The following GUF1 variants were observed in gnomAD, a reference collection of about 807,000 sequenced individuals.
The protein encoded by GUF1 is translation factor GUF1, mitochondrial.
In GUF1, 78 loss-of-function variants were observed where a neutral mutation model predicts 82.4. That is an observed-to-expected ratio of 0.95 (90% confidence interval 0.79 to 1.14). The LOEUF (loss-of-function observed/expected upper bound fraction) is 1.14, where lower values mean the gene tolerates loss of function less well. Among genes scored for constraint, GUF1 ranks in the 50% most tolerant of loss-of-function variants. GUF1 has a pLI of 0.00. For missense variants in GUF1, 814 were observed against 798.2 expected (o/e 1.02, Z -0.24); for synonymous variants, 279 against 282.3 (o/e 0.99, Z 0.12).
intron 6 of GUF1, 53 bp downstream of exon 6, chr4:44,683,371 G>T: frequency 9.6e-7 from 1 of 1,036,762 alleles, no homozygotes; most frequent in South Asian, 1.6e-5. Flanking sequence ...CAAGTAATTG[G>T]GCTAAGTGAA....
chr4:44,689,628 A>G (rs755160446), intron 10 of GUF1, among the ~76,000 whole-genome samples: 26 of 151,854 alleles, frequency 1.7e-4, no homozygotes, highest in Non-Finnish European at 3.5e-4. Flanking sequence ...GCGGATTGAC[A>G]TTTTATGGGT....
chr4:44,683,128 G>A, intron 5 of GUF1, 107 bp from the exon 6 acceptor site: 1 of 582,148 alleles, frequency 1.7e-6, no homozygotes, highest in Admixed American at 3.8e-5. Flanking sequence ...TTGTAGAGGG[G>A]TCAGTTAGGT....
At chr4:44,686,421 C>A in intron 7 of GUF1, 89 bp from the exon 8 acceptor site, 1 of 760,826 alleles carries the variant, frequency 1.3e-6, no homozygotes, top group Non-Finnish European at 2.0e-6. Context: ...TTCTCAAGAA[C>A]TCAAGTACAA....
At chr4:44,694,614 A>AT (rs1012600529) in intron 14 of GUF1, 101 bp downstream of exon 14, 2 of 703,394 alleles carry the variant, frequency 2.8e-6, no homozygotes, top group African/African-American at 3.6e-5. Context: ...TTCTAAGGTA[A>AT]TTAAAATAGA....
At chr4:44,687,541 T>C (rs1715134649) in intron 8 of GUF1, among the ~76,000 whole-genome samples, 1 of 151,856 alleles carries the variant, frequency 6.6e-6, no homozygotes, top group African/African-American at 2.4e-5. Flanking sequence ...ACTGAACTCA[T>C]AGGATTTGCT....
At chr4:44,695,886 T>G (rs1715780999) in intron 15 of GUF1, 152 bp downstream of exon 15, 2 of 714,176 alleles carry the variant, frequency 2.8e-6, no homozygotes, top group South Asian at 3.8e-5. Context: ...CTGATTTAAG[T>G]AATGACTGTT....
chr4:44,688,181 T>C (rs1388991381), intron 9 of GUF1, 35 bp downstream of exon 9: 1 of 1,568,310 alleles, frequency 6.4e-7, no homozygotes, highest in Non-Finnish European at 8.6e-7. Flanking sequence ...TTGAGGGCCA[T>C]GATATTTTTA....
chr4:44,697,092 T>C (rs1715874308), intron 15 of GUF1, among the ~76,000 whole-genome samples: 1 of 152,172 alleles, frequency 6.6e-6, no homozygotes, highest in South Asian at 2.1e-4. Context: ...GAGTAAAAAA[T>C]AACCTAATGT....
chr4:44,686,450 GA>G, intron 7 of GUF1, 59 bp from the exon 8 acceptor site: 1 of 1,044,540 alleles, frequency 9.6e-7, no homozygotes, highest in Non-Finnish European at 1.3e-6. Context: ...TTGAAAATAA[GA>G]ATTTTATTAA....
In GUF1 at chr4:44,690,139, C is replaced by T. The variant is rs568261051; in HGVS notation, c.1335+164C>T. On this transcript the variant is annotated intron_variant, in intron 11 of 16. Coordinates refer to ENST00000281543, the MANE Select transcript of GUF1 (RefSeq NM_021927.3). ...TTAGTAGTAATAAACATTGAATTAC[C>T]CTATGGCTAATGATGAAGAACTTTT... Among the ~76,000 whole-genome samples the T allele has an allele frequency of 7.6e-5, 9 of 119,084 alleles. No homozygotes were observed. The South Asian group carries it at 2.1e-3, about 28-fold the overall frequency. The allele number at this position is 119,084 out of a possible 152,430, so 78.1% of individuals were successfully genotyped here. A position where few individuals can be genotyped will look rare whatever the true frequency, so the allele number is the denominator to read the frequency against.
At position 44,698,607 on chromosome 4, in the gene GUF1, C is replaced by A; in HGVS notation, c.1936C>A (p.Leu646Met). The A allele has an allele frequency of 6.2e-7, 1 of 1,609,716 alleles. No individual in the cohort carries two copies. Among genetic ancestry groups the A allele is most frequent in the Non-Finnish European group, 8.5e-7 (1 of 1,178,182 alleles). Reference sequence around the variant, plus strand: ...GAGACAAGCAGAAGGGAAAAAAAAGCTGAGGAAAATTGGCAACGTTGAAGT... The same window carrying A: ...GAGACAAGCAGAAGGGAAAAAAAAGATGAGGAAAATTGGCAACGTTGAAGT... ...LKRQAEGKKK[L>M]RKIGNVEVPK... The change falls in exon 17 of 17, where the codon CTG (leucine) becomes ATG (methionine). Residue 646 changes from leucine to methionine, a missense_variant. Coordinates refer to ENST00000281543, the MANE Select transcript of GUF1 (RefSeq NM_021927.3).
At position 44,695,746 on chromosome 4, in the gene GUF1, T is replaced by C; in HGVS notation, c.1835+12T>C. ...ATTGCAAGAGAAACGTGAGTTGAAATTCATTTTTGGTCTTGAGCCAGTTTC... is the reference window on the plus strand; with the variant it reads ...ATTGCAAGAGAAACGTGAGTTGAAACTCATTTTTGGTCTTGAGCCAGTTTC... On this transcript the variant is annotated intron_variant, in intron 15 of 16. Transcript: ENST00000281543. 2.5e-6 allele frequency: 4 copies of C among 1,606,656 alleles called. No individual in the cohort carries two copies. In the East Asian group the frequency reaches 9.0e-5, roughly 36 times the overall value.
rs1363096677 is a variant in GUF1, at chr4:44,694,553, T to C, written c.1715+40T>C. On this transcript the variant is annotated intron_variant, in intron 14 of 16. Transcript: ENST00000281543. ...AACTAATCATGGAATGTGAAAATAC[T>C]TTTGATATGTTTTTCATTTATTTTT... 50 of 1,164,998 alleles carry C rather than the reference T, an allele frequency of 4.3e-5. 1 individual carries two copies. In the East Asian group the frequency reaches 1.2e-3, roughly 28 times the overall value. 72.2% of individuals were successfully genotyped at this position (1,164,998 alleles called of 1,614,324 possible).
rs1228049325 is a variant in GUF1 at position 44,681,278 on chromosome 4, T to C, written c.507+75T>C. The C allele has an allele frequency of 1.5e-5, 16 of 1,095,610 alleles. No homozygotes were observed. The East Asian group carries it at 1.7e-4, about 11-fold the overall frequency. 67.9% of individuals were successfully genotyped at this position (1,095,610 alleles called of 1,614,324 possible). On this transcript the variant is annotated intron_variant, in intron 4 of 16. Transcript: ENST00000281543. Reference sequence around the variant, plus strand: ...GTTTCAAGAGTTTTTCTTTAAAATGTGTTTTGGAAATAGAATTTTTGTGTT... The same window carrying C: ...GTTTCAAGAGTTTTTCTTTAAAATGCGTTTTGGAAATAGAATTTTTGTGTT...
At chr4:44,689,509 ATAAG>A (rs548397829) in intron 10 of GUF1, 100 bp downstream of exon 10, 154 of 1,277,246 alleles carry the variant, frequency 1.2e-4, no homozygotes, top group Admixed American at 6.6e-4. Context: ...AAATATCTTT[ATAAG>A]TAAGGGAGGT....
Position 44,680,827 on chromosome 4 carries a change from T to A in GUF1, c.411T>A (p.Asn137Lys), listed in dbSNP as rs192723632. ...YNCEGKQYLL[N>K]LIDTPGHVDF... Reference sequence around the variant, plus strand: ...GTGAAGGAAAGCAGTACCTTTTAAATCTCATTGATACACCGGTAAGTTTAA... The same window carrying A: ...GTGAAGGAAAGCAGTACCTTTTAAAACTCATTGATACACCGGTAAGTTTAA... Residue 137 changes from asparagine to lysine, a missense_variant, in exon 3 of 17, where the codon AAT becomes AAA. Physicochemically the swap from Asn to Lys is moderately conservative, Grantham distance 94. Transcript: ENST00000281543. 3.1e-6 allele frequency: 5 copies of A among 1,608,984 alleles called. No individual in the cohort carries two copies. In the East Asian group the frequency reaches 1.1e-4, roughly 36 times the overall value.
At chr4:44,693,568 C>T (rs1264771592) in intron 13 of GUF1, among the ~76,000 whole-genome samples, 2 of 152,038 alleles carry the variant, frequency 1.3e-5, no homozygotes, top group Non-Finnish European at 2.9e-5. Flanking sequence ...ATTATTGTCA[C>T]TTTATGACCT....
chr4:44,694,899 C>T (rs760448874), intron 14 of GUF1, among the ~76,000 whole-genome samples: 11 of 151,964 alleles, frequency 7.2e-5, no homozygotes, highest in Non-Finnish European at 1.5e-4. Flanking sequence ...CTCCGCCTCC[C>T]GGGTTCAAGC....
At position 44,700,874 on chromosome 4, in the gene GUF1, A is replaced by G. The variant is rs1206244954; in HGVS notation, c.*2193A>G. 1 of 152,198 alleles carries G rather than the reference A, an allele frequency of 6.6e-6. No homozygotes were observed. Among genetic ancestry groups the G allele is most frequent in the Non-Finnish European group, 1.5e-5 (1 of 68,032 alleles). The allele number at this position is 152,198 out of a possible 1,614,324, so 9.4% of individuals were successfully genotyped here. On this transcript the variant is annotated 3_prime_UTR_variant, in exon 17 of 17. Coordinates refer to ENST00000281543, the MANE Select transcript of GUF1 (RefSeq NM_021927.3). ...AAAAACAGATGAAATCTGAAAGACC[A>G]TGACAGTAGTATTTTGAAAATGACA...
Sources: gnomAD v4.1 joint callset for allele counts (sites outside exome capture counted in the v4.1 genomes callset) on GRCh38, gnomAD v4.1.1 for gene constraint, MANE v1.5 for transcripts, NCBI Gene and HGNC (gene_info 2026-07-23, HGNC 2026-07-21) for gene names.